The following ZBTB11 variants were observed in gnomAD, a reference collection of about 807,000 sequenced individuals.
ZBTB11 encodes zinc finger and BTB domain-containing protein 11.
ZBTB11 carries 68 observed loss-of-function variants against 113.1 expected under a neutral mutation model. The observed-to-expected ratio is 0.60, with a 90% CI of 0.49 to 0.74. The LOEUF (loss-of-function observed/expected upper bound fraction) is 0.74. ZBTB11 is among the 30% of genes least tolerant of loss of function. The pLI, the probability that ZBTB11 is intolerant of heterozygous loss-of-function variation, is 0.00. For missense variants in ZBTB11, 1,104 were observed against 1,279.4 expected (o/e 0.86, Z 2.09); for synonymous variants, 518 against 452.6 (o/e 1.14, Z -1.83).
At chr3:101,664,469 C>A in intron 5 of ZBTB11, 69 bp downstream of exon 5, 3 of 1,427,804 alleles carry the variant, frequency 2.1e-6, no homozygotes, top group Non-Finnish European at 1.9e-6. Flanking sequence ...GAAAAGATAA[C>A]CATGCAGTAA....
Position 101,671,999 on chromosome 3 carries a change from T to C in ZBTB11, c.525A>G (p.Val175=), listed in dbSNP as rs141128537. The C allele has an allele frequency of 6.2e-6, 10 of 1,614,080 alleles. No homozygotes were observed. Among genetic ancestry groups the C allele is most frequent in the Non-Finnish European group, 8.5e-6 (10 of 1,179,924 alleles). The part of the protein sequence containing the change: ...TASKPAKKKP[V]SKHELVFVDT... ...TTACAAACACAAGTTCATGTTTGGA[T>C]ACTGGCTTCTTTTTTGCAGGCTTGG... Residue 175 remains valine, a synonymous_variant, in exon 2 of 11, where the codon GTA becomes GTG. Coordinates refer to ENST00000312938, the MANE Select transcript of ZBTB11 (RefSeq NM_014415.4).
chr3:101,654,755 T>C lies in ZBTB11; in HGVS notation c.2258A>G (p.His753Arg). Residue 753 changes from histidine to arginine, a missense_variant, in exon 8 of 11, where the codon CAC becomes CGC. Physicochemically the swap from His to Arg is conservative, Grantham distance 29 (BLOSUM62 0). Transcript: ENST00000312938. The stretch of plus-strand genomic sequence containing the variant: ...AGGCTTTGGTTGGTGTTTCTTGAAG[T>C]GCTTGCTGAGTCCAGAGCCCCTATG... ...SFHRGSGLSK[H>R]FKKHQPKPEV... The C allele has an allele frequency of 6.2e-7, 1 of 1,614,224 alleles. No homozygotes were observed.
At chr3:101,651,794 C>A in intron 10 of ZBTB11, 111 bp from the exon 11 acceptor site, 1 of 1,120,252 alleles carries the variant, frequency 8.9e-7, no homozygotes, top group South Asian at 2.0e-5. Context: ...ATAAGCCTTT[C>A]TATCTGGACT....
rs1576652857 is a variant in ZBTB11 at position 101,671,595 on chromosome 3, T to C, written c.547-234A>G. 3 of 582,710 alleles carry C rather than the reference T, an allele frequency of 5.1e-6. No homozygotes were observed. The East Asian group carries it at 8.4e-5, about 16-fold the overall frequency. The allele number at this position is 582,710 out of a possible 1,614,324, so 36.1% of individuals were successfully genotyped here. Reference sequence around the variant, plus strand: ...TATCTCACTTCTGGCTGCCTCTTCTTACTAATCAGAAATATGATGATGTAT... The same window carrying C: ...TATCTCACTTCTGGCTGCCTCTTCTCACTAATCAGAAATATGATGATGTAT... On this transcript the variant is annotated intron_variant, in intron 2 of 10. Transcript: ENST00000312938.
At chr3:101,662,492 C>G (rs376999680) in intron 5 of ZBTB11, among the ~76,000 whole-genome samples, 1 of 152,114 alleles carries the variant, frequency 6.6e-6, no homozygotes, top group Non-Finnish European at 1.5e-5. Flanking sequence ...GGTATGGTGG[C>G]GCATGCCTGT....
At position 101,649,837 on chromosome 3, in the gene ZBTB11, A is replaced by T. The variant is rs1306382956; in HGVS notation, c.*1329T>A. 6.6e-6 allele frequency: 1 copy of T among 152,662 alleles called. No homozygotes were observed. Among genetic ancestry groups the T allele is most frequent in the Admixed American group, 6.5e-5 (1 of 15,280 alleles). 9.5% of individuals were successfully genotyped at this position (152,662 alleles called of 1,614,324 possible). A position where few individuals can be genotyped will look rare whatever the true frequency, so the allele number is the denominator to read the frequency against. ...AAGGCACATTCTTTTCTTGTGCTTT[A>T]GGAATGATTTACATGTGATCTGCTT... On this transcript the variant is annotated 3_prime_UTR_variant, in exon 11 of 11. Transcript: ENST00000312938.
chr3:101,652,370 C>T, intron 10 of ZBTB11, 126 bp downstream of exon 10: 1 of 937,860 alleles, frequency 1.1e-6, no homozygotes, highest in East Asian at 2.6e-5. Context: ...AGGATCACCT[C>T]TGTCATTTGA....
chr3:101,656,713 C>T (rs539515039), intron 6 of ZBTB11, among the ~76,000 whole-genome samples: 2 of 152,134 alleles, frequency 1.3e-5, no homozygotes, highest in African/African-American at 2.4e-5. Context: ...TTAAAAATGA[C>T]GTGACAATGC....
intron 5 of ZBTB11, among the ~76,000 whole-genome samples, chr3:101,662,478 G>A (rs1207420427): frequency 6.6e-6 from 1 of 152,140 alleles, no homozygotes; most frequent in Non-Finnish European, 1.5e-5. Flanking sequence ...TACAAAATTA[G>A]CCGGGTATGG....
At chr3:101,669,784 G>A (rs370998960) in intron 3 of ZBTB11, among the ~76,000 whole-genome samples, 3 of 151,378 alleles carry the variant, frequency 2.0e-5, no homozygotes, top group East Asian at 3.9e-4. Context: ...TTTGTATGCA[G>A]TGGATGCTTA....
intron 3 of ZBTB11, among the ~76,000 whole-genome samples, chr3:101,670,354 A>C (rs900302910): frequency 4.6e-5 from 7 of 152,218 alleles, no homozygotes; most frequent in Admixed American, 3.9e-4. Context: ...AAAACGTATA[A>C]ATAATGCTAC....
At chr3:101,674,805 ATCAC>A (rs1299341583) in intron 1 of ZBTB11, among the ~76,000 whole-genome samples, 2 of 152,138 alleles carry the variant, frequency 1.3e-5, no homozygotes, top group Non-Finnish European at 2.9e-5. Context: ...CTGGATTAGA[ATCAC>A]TCACAGATAA....
In ZBTB11 at chr3:101,650,865, C is replaced by T. The variant is rs1003865674; in HGVS notation, c.*301G>A. ...AAACTGTACGGTTTTAAATTCAGTA[C>T]AGTCATTTATAAACATTAATTCATA... On this transcript the variant is annotated 3_prime_UTR_variant, in exon 11 of 11. Coordinates refer to ENST00000312938, the MANE Select transcript of ZBTB11 (RefSeq NM_014415.4). 1 of 201,142 alleles carries T rather than the reference C, an allele frequency of 5.0e-6. No homozygotes were observed. The highest frequency in any genetic ancestry group is 9.9e-6 in the Non-Finnish European group (1 of 100,664). The allele number at this position is 201,142 out of a possible 1,614,324, so 12.5% of individuals were successfully genotyped here.
intron 3 of ZBTB11, among the ~76,000 whole-genome samples, chr3:101,669,756 C>CA (rs1491501158): frequency 6.6e-6 from 1 of 151,926 alleles, no homozygotes; most frequent in Non-Finnish European, 1.5e-5. Context: ...TGTACACCCC[C>CA]TGAGCCTAGG....
rs1163257978 is a variant in ZBTB11 at position 101,671,439 on chromosome 3, A to G, written c.547-78T>C. 17 of 964,612 alleles carry G rather than the reference A, an allele frequency of 1.8e-5. No individual in the cohort carries two copies. In the East Asian group the frequency reaches 2.9e-4, roughly 16 times the overall value. 59.8% of individuals were successfully genotyped at this position (964,612 alleles called of 1,614,324 possible). A position where few individuals can be genotyped will look rare whatever the true frequency, so the allele number is the denominator to read the frequency against. On this transcript the variant is annotated intron_variant, in intron 2 of 10. Transcript: ENST00000312938. ...CTTAACAAGCTTTAAAACAAGACAC[A>G]TTACATATTACCTTTTACCAGGTAT...
rs137917462 is a variant in ZBTB11 at position 101,665,450 on chromosome 3, C to A, written c.1137G>T (p.Glu379Asp). Residue 379 changes from glutamate to aspartate, a missense_variant, in exon 4 of 11, where the codon GAG becomes GAT. This residue lies in a region of ZBTB11 where 535 missense variants were observed against 518.6 expected (regional missense o/e 1.03). Coordinates refer to ENST00000312938, the MANE Select transcript of ZBTB11 (RefSeq NM_014415.4). ...GELPEAEQNGEVGRQPEPQVS... is the reference protein window; with the variant it reads ...GELPEAEQNGDVGRQPEPQVS... ...CCTGGGGCTCAGGCTGTCGTCCTAC[C>A]TCTCCATTCTGCTCAGCTTCTGGCA... 2 of 1,614,064 alleles carry A rather than the reference C, an allele frequency of 1.2e-6. No homozygotes were observed. Among genetic ancestry groups the A allele is most frequent in the African/African-American group, 2.7e-5 (2 of 74,912 alleles).
chr3:101,661,215 C>T (rs1006598073), intron 5 of ZBTB11, among the ~76,000 whole-genome samples: 87 of 128,078 alleles, frequency 6.8e-4, no homozygotes, highest in Admixed American at 2.7e-4. Flanking sequence ...GCCTGGGATA[C>T]AGAGCAAGAC....
At chr3:101,668,652 G>T (rs1242494638) in intron 3 of ZBTB11, among the ~76,000 whole-genome samples, 2 of 149,746 alleles carry the variant, frequency 1.3e-5, no homozygotes, top group African/African-American at 4.9e-5. Context: ...AAAGAATTTT[G>T]AATGTTTTCA....
chr3:101,652,769 A>G lies in ZBTB11; in HGVS notation c.2468+11T>C. ...ATCAATTAAGTTCAGCTCCTTCTCA[A>G]ATTTACTCACCTATAAGGCTCAGTG... On this transcript the variant is annotated intron_variant, in intron 9 of 10. Coordinates refer to ENST00000312938, the MANE Select transcript of ZBTB11 (RefSeq NM_014415.4). 5.0e-6 allele frequency: 8 copies of G among 1,609,932 alleles called. No homozygotes were observed. The highest frequency in any genetic ancestry group is 5.9e-6 in the Non-Finnish European group (7 of 1,178,082).
Sources: gnomAD v4.1 joint callset for allele counts (sites outside exome capture counted in the v4.1 genomes callset) on GRCh38, gnomAD v4.1.1 for gene constraint, gnomAD v4.1.1 regional missense constraint, MANE v1.5 for transcripts, NCBI Gene and HGNC (gene_info 2026-07-23, HGNC 2026-07-21) for gene names.